Variants in CDK14 observed in about 807,000 individuals in gnomAD.
CDK14 encodes cyclin dependent kinase 14, also known as cyclin-dependent kinase 14.
Under a neutral mutation model 60.7 loss-of-function variants are expected in CDK14, and 34 were observed. The observed-to-expected ratio is 0.56, with a 90% CI of 0.43 to 0.75. The LOEUF is 0.75. Among genes scored for constraint, CDK14 ranks in the 30% least tolerant of loss-of-function variants. The pLI, the probability that CDK14 is intolerant of heterozygous loss-of-function variation, is 0.00. For missense variants in CDK14, 482 were observed against 564.1 expected, an observed-to-expected ratio of 0.85 and a Z score of 1.47; for synonymous variants, 197 against 203.7, an observed-to-expected ratio of 0.97 and a Z score of 0.28.
intron 12 of CDK14, among the ~76,000 whole-genome samples, chr7:91,104,621 A>G (rs1308830084): frequency 6.6e-6 from 1 of 152,094 alleles, no homozygotes; most frequent in South Asian, 2.1e-4. Flanking sequence ...CCTCCAGCCT[A>G]TGTCAAACAC....
In CDK14 at chr7:90,782,211, C is replaced by G. The variant is rs180822329; in HGVS notation, c.465-8362C>G. Reference sequence around the variant, plus strand: ...ATGGGAGTTCACTCATGATTTGGCTCTCTGTTTGTCTATTATTGGTGTATA... The same window carrying G: ...ATGGGAGTTCACTCATGATTTGGCTGTCTGTTTGTCTATTATTGGTGTATA... On this transcript the variant is annotated intron_variant, in intron 4 of 14. Transcript: ENST00000380050. 8.6e-4 allele frequency among the ~76,000 whole-genome samples: 131 copies of G among 152,172 alleles called. 2 individuals carry two copies. In the East Asian group the frequency reaches 0.021, roughly 25 times the overall value.
intron 5 of CDK14, among the ~76,000 whole-genome samples, chr7:90,844,159 T>C (rs549153911): frequency 1.3e-5 from 2 of 152,266 alleles, no homozygotes; most frequent in East Asian, 3.9e-4. Flanking sequence ...AAAAGCACTT[T>C]AATAGCTAGT....
chr7:91,092,520 C>G (rs916545221), intron 12 of CDK14, among the ~76,000 whole-genome samples: 1 of 152,202 alleles, frequency 6.6e-6, no homozygotes, highest in Non-Finnish European at 1.5e-5. Flanking sequence ...AGCAAGTTCC[C>G]TGCCATTGTA....
At chr7:90,835,725 T>G (rs1239366911) in intron 5 of CDK14, among the ~76,000 whole-genome samples, 1 of 152,188 alleles carries the variant, frequency 6.6e-6, no homozygotes, top group Non-Finnish European at 1.5e-5. Context: ...TGGGTATATA[T>G]TAAGTCCTGC....
intron 2 of CDK14, among the ~76,000 whole-genome samples, chr7:90,630,127 C>A (rs1419853899): frequency 6.6e-6 from 1 of 152,108 alleles, no homozygotes; most frequent in Non-Finnish European, 1.5e-5. Context: ...AAAAACCCAA[C>A]TCCATTTAAC....
At chr7:90,907,358 G>C (rs1792742682) in intron 7 of CDK14, among the ~76,000 whole-genome samples, 1 of 151,914 alleles carries the variant, frequency 6.6e-6, no homozygotes, top group Non-Finnish European at 1.5e-5. Context: ...TTTCACAAAT[G>C]ACTATAATGG....
chr7:91,182,834 G>A (rs946969066), intron 14 of CDK14, among the ~76,000 whole-genome samples: 3 of 152,152 alleles, frequency 2.0e-5, no homozygotes, highest in African/African-American at 7.2e-5. Context: ...ATTTTCCAAC[G>A]TGAGATTATT....
intron 10 of CDK14, among the ~76,000 whole-genome samples, chr7:90,995,111 G>A (rs999738927): frequency 2.0e-5 from 3 of 152,168 alleles, no homozygotes; most frequent in African/African-American, 7.2e-5. Context: ...ACTTCTAATG[G>A]ATAGAATATG....
intron 2 of CDK14, among the ~76,000 whole-genome samples, chr7:90,672,465 G>A (rs1049932605): frequency 3.0e-4 from 36 of 118,092 alleles, no homozygotes; most frequent in African/African-American, 1.1e-3. Flanking sequence ...TATTTACAAA[G>A]TTTATTCATG....
At chr7:90,858,529 T>C (rs547487995) in intron 5 of CDK14, among the ~76,000 whole-genome samples, 1 of 152,304 alleles carries the variant, frequency 6.6e-6, no homozygotes, top group African/African-American at 2.4e-5. Context: ...AAAATGGAAT[T>C]TGACAAGATT....
chr7:90,863,669 TATG>T (rs1367212354), intron 6 of CDK14, among the ~76,000 whole-genome samples: 2 of 81,476 alleles, frequency 2.5e-5, no homozygotes, highest in Non-Finnish European at 4.5e-5. Context: ...CTTATTAAGA[TATG>T]TGTGTGTGTG....
chr7:90,600,249 T>C (rs1167972400), intron 1 of CDK14, among the ~76,000 whole-genome samples: 2 of 152,236 alleles, frequency 1.3e-5, no homozygotes, highest in South Asian at 2.1e-4. Context: ...AAATTTAGGC[T>C]AACAAAGACA....
chr7:90,644,237 A>T (rs1563028014), intron 2 of CDK14, among the ~76,000 whole-genome samples: 1 of 152,228 alleles, frequency 6.6e-6, no homozygotes, highest in Non-Finnish European at 1.5e-5. Context: ...TCGGTTGTTT[A>T]AGTCAACCAG....
rs142831998 is a variant in CDK14, at chr7:91,203,589, C to T, written c.*29-3576C>T. Among the ~76,000 whole-genome samples the T allele has an allele frequency of 4.6e-5, 7 of 152,274 alleles. 1 individual carries two copies. The East Asian group carries it at 1.4e-3, about 29-fold the overall frequency. ...AAGAGGAGAGAGCCAGGAAAGACTA[C>T]ATCATTTGGATATAGTTGTAGGAAC... On this transcript the variant is annotated intron_variant, in intron 14 of 14. Coordinates refer to ENST00000380050, the MANE Select transcript of CDK14 (RefSeq NM_001287135.2).
At chr7:90,893,341 G>A (rs1337124330) in intron 6 of CDK14, among the ~76,000 whole-genome samples, 2 of 152,170 alleles carry the variant, frequency 1.3e-5, no homozygotes, top group Non-Finnish European at 2.9e-5. Flanking sequence ...GGGATTGGAG[G>A]GAAGCAATCT....
chr7:91,089,205 A>G, intron 12 of CDK14, among the ~76,000 whole-genome samples: 1 of 152,164 alleles, frequency 6.6e-6, no homozygotes, highest in East Asian at 1.9e-4. Flanking sequence ...GCATCAAACC[A>G]CGTCAACCAT....
intron 4 of CDK14, among the ~76,000 whole-genome samples, chr7:90,752,828 T>C (rs1803902014): frequency 6.6e-6 from 1 of 151,978 alleles, no homozygotes; most frequent in Admixed American, 6.6e-5. Context: ...GCTGATCCCA[T>C]GGAGATAGAA....
chr7:91,183,128 G>GA (rs35887442), intron 14 of CDK14, among the ~76,000 whole-genome samples: 52,506 of 152,110 alleles, frequency 0.35, 11,125 homozygotes, highest in Non-Finnish European at 0.49. Flanking sequence ...CTATGGCAAG[G>GA]AAAAAGCAGA....
rs1267435147 is a variant in CDK14, at chr7:90,963,121, G to GTGTGTGTGTGTGTGTGTGTT, written c.947+7307_947+7308insGTGTGTGTGTGTGTGTTTGT. Among the ~76,000 whole-genome samples the GTGTGTGTGTGTGTGTGTGTT allele has an allele frequency of 1.6e-4, 23 of 142,338 alleles. No homozygotes were observed. The East Asian group carries it at 3.6e-3, about 23-fold the overall frequency. The allele number at this position is 142,338 out of a possible 152,430, so 93.4% of individuals were successfully genotyped here. ...TGTGTGTGTGTGTGTGTGTGTGTGT[G>GTGTGTGTGTGTGTGTGTGTT]TGTTTTAATTTAGAAATATATAGGC... On this transcript the variant is annotated intron_variant, in intron 9 of 14. Transcript: ENST00000380050.
Sources: allele counts gnomAD v4.1 joint callset (sites outside exome capture counted in the v4.1 genomes callset), GRCh38; gene constraint gnomAD v4.1.1; transcripts MANE v1.5; gene names NCBI Gene and HGNC (gene_info 2026-07-23, HGNC 2026-07-21).